ADK: variants seen among roughly 807,000 people sequenced by gnomAD.
ADK encodes the protein adenosine kinase, also known as N6,N6-dimethyladenosine kinase.
A neutral mutation model predicts 44.7 loss-of-function variants in ADK; 24 were observed. The observed-to-expected ratio is 0.54, with a 90% confidence interval of 0.39 to 0.76. The LOEUF is 0.76. Ranked by LOEUF, ADK falls within the 30% of genes least tolerant of loss-of-function variation. The probability of loss-of-function intolerance (pLI) is 0.00; values close to 1 mark genes in which losing one functional copy is unlikely to be tolerated. For synonymous variants in ADK, 128 were observed against 142.6 expected, an observed-to-expected ratio of 0.90 and a Z score of 0.73; for missense variants, 321 against 425.1, an observed-to-expected ratio of 0.76 and a Z score of 2.15.
chr10:74,684,181 T>C (rs1432816526), intron 10 of ADK, among the ~76,000 whole-genome samples: 1 of 152,226 alleles, frequency 6.6e-6, no homozygotes, highest in East Asian at 1.9e-4. Context: ...AGTTAACCAC[T>C]TGGGAGTTTT....
chr10:74,550,324 G>C (rs1459617737), intron 7 of ADK, among the ~76,000 whole-genome samples: 1 of 151,938 alleles, frequency 6.6e-6, no homozygotes, highest in Non-Finnish European at 1.5e-5. Context: ...TCCCGCCTCA[G>C]CCTCCCAAAG....
In ADK at chr10:74,388,541, G is replaced by T. The variant is rs569815023; in HGVS notation, c.274-5600G>T. On this transcript the variant is annotated intron_variant, in intron 4 of 10. Coordinates refer to ENST00000539909, the MANE Select transcript of ADK (RefSeq NM_006721.4). ...ATAAGTTGTTTTTTTTTCCTCAGCA[G>T]TCTTTTGTAGTGTTCTACATATATG... 3.0e-4 allele frequency among the ~76,000 whole-genome samples: 46 copies of T among 151,962 alleles called. 1 individual carries two copies. Among genetic ancestry groups the T allele is most frequent in the Non-Finnish European group, 4.1e-4 (28 of 67,940 alleles).
chr10:74,356,531 C>G (rs903759067), intron 4 of ADK, among the ~76,000 whole-genome samples: 4 of 152,008 alleles, frequency 2.6e-5, no homozygotes, highest in African/African-American at 9.7e-5. Context: ...ATAAAATACC[C>G]ATTTTATAAA....
intron 9 of ADK, among the ~76,000 whole-genome samples, chr10:74,646,682 C>A (rs575008867): frequency 6.6e-6 from 1 of 152,268 alleles, no homozygotes; most frequent in African/African-American, 2.4e-5. Flanking sequence ...TTACAGTAAG[C>A]AATCAAGTGC....
intron 10 of ADK, among the ~76,000 whole-genome samples, chr10:74,690,549 G>T (rs1330598544): frequency 6.6e-6 from 1 of 152,112 alleles, no homozygotes; most frequent in Non-Finnish European, 1.5e-5. Context: ...TCCCCATTTT[G>T]TCTTTCCCGC....
chr10:74,303,600 T>TGTTTTTTTTTG (rs1564643386), intron 3 of ADK, among the ~76,000 whole-genome samples: 2 of 134,966 alleles, frequency 1.5e-5, no homozygotes, highest in African/African-American at 5.7e-5. Flanking sequence ...TTTTTTTTTT[T>TGTTTTTTTTTG]TTTTTTTTTT....
At chr10:74,462,396 T>C (rs1226887862) in intron 6 of ADK, among the ~76,000 whole-genome samples, 1 of 152,118 alleles carries the variant, frequency 6.6e-6, no homozygotes, top group Non-Finnish European at 1.5e-5. Flanking sequence ...ATTTTGTAAA[T>C]CAACCTACAG....
At chr10:74,243,051 C>G (rs1845283690) in intron 3 of ADK, among the ~76,000 whole-genome samples, 1 of 152,270 alleles carries the variant, frequency 6.6e-6, no homozygotes, top group Admixed American at 6.5e-5. Flanking sequence ...AAAAGGCTGT[C>G]ATACTGGCCC....
intron 6 of ADK, among the ~76,000 whole-genome samples, chr10:74,467,860 A>G (rs1251346358): frequency 1.3e-5 from 2 of 152,136 alleles, no homozygotes; most frequent in Non-Finnish European, 2.9e-5. Context: ...ATTCATTTCT[A>G]TTAAATATTT....
At chr10:74,306,531 A>AT (rs1840253969) in intron 3 of ADK, among the ~76,000 whole-genome samples, 1 of 151,982 alleles carries the variant, frequency 6.6e-6, no homozygotes, top group Admixed American at 6.6e-5. Flanking sequence ...TAGTCAAATT[A>AT]TTTTACCTCT....
intron 3 of ADK, among the ~76,000 whole-genome samples, chr10:74,260,102 A>C (rs1268088833): frequency 2.6e-5 from 4 of 152,164 alleles, no homozygotes. Flanking sequence ...TTAACAATCA[A>C]ATAGAACAGA....
intron 6 of ADK, among the ~76,000 whole-genome samples, chr10:74,480,178 T>A (rs58302452): frequency 0.035 from 5,370 of 151,626 alleles, 282 homozygotes; most frequent in African/African-American, 0.11. Flanking sequence ...TGCTTTGTGT[T>A]TTGCTCTTGA....
At chr10:74,679,905 C>T (rs780168374) in intron 10 of ADK, among the ~76,000 whole-genome samples, 6 of 152,044 alleles carry the variant, frequency 3.9e-5, no homozygotes, top group Admixed American at 6.6e-5. Context: ...TTGCAGTGAG[C>T]TGGGATGGCA....
intron 3 of ADK, among the ~76,000 whole-genome samples, chr10:74,225,760 G>A (rs185905337): frequency 1.3e-5 from 2 of 151,998 alleles, no homozygotes; most frequent in Non-Finnish European, 2.9e-5. Context: ...TCCATAGTGG[G>A]TTCTCAAATA....
chr10:74,232,055 T>C (rs1844787437), intron 3 of ADK, among the ~76,000 whole-genome samples: 1 of 152,142 alleles, frequency 6.6e-6, no homozygotes, highest in Non-Finnish European at 1.5e-5. Flanking sequence ...TTCAGGCTTA[T>C]ACATAATCTA....
intron 4 of ADK, among the ~76,000 whole-genome samples, chr10:74,368,908 C>A (rs1208962702): frequency 6.6e-6 from 1 of 152,138 alleles, no homozygotes; most frequent in African/African-American, 2.4e-5. Flanking sequence ...GATTAACAGA[C>A]ACGAGCCACC....
intron 3 of ADK, among the ~76,000 whole-genome samples, chr10:74,313,337 G>A (rs1840510064): frequency 6.6e-6 from 1 of 151,694 alleles, no homozygotes; most frequent in Non-Finnish European, 1.5e-5. Context: ...TTTTGGGGGG[G>A]AGAGGTTGGA....
At chr10:74,373,382 AAGAC>A (rs1254361483) in intron 4 of ADK, among the ~76,000 whole-genome samples, 1 of 152,170 alleles carries the variant, frequency 6.6e-6, no homozygotes, top group Middle Eastern at 3.2e-3. Context: ...AGAAAGTGAA[AAGAC>A]AACCCACAGA....
chr10:74,372,150 A>T (rs987762447), intron 4 of ADK: 1 of 751,676 alleles, frequency 1.3e-6, no homozygotes, highest in African/African-American at 1.7e-5. Context: ...CAGAGATCCT[A>T]AAGAGACTGA....
Sources: gnomAD v4.1 joint callset for allele counts (sites outside exome capture counted in the v4.1 genomes callset) on GRCh38, gnomAD v4.1.1 for gene constraint, MANE v1.5 for transcripts, NCBI Gene and HGNC (gene_info 2026-07-23, HGNC 2026-07-21) for gene names.